The following CDKL5 variants were observed in gnomAD, a reference collection of about 807,000 sequenced individuals.
CDKL5 encodes the protein cyclin dependent kinase like 5.
A neutral mutation model predicts 61.7 loss-of-function variants in CDKL5; 8 were observed. The ratio of observed to expected loss-of-function variants is 0.13; its 90% CI spans 0.08 to 0.23. CDKL5 has a LOEUF of 0.23. Ranked by LOEUF, CDKL5 falls within the 10% of genes least tolerant of loss-of-function variation. The pLI is 1.00. For synonymous variants in CDKL5, 275 were observed against 272.3 expected (o/e 1.01, Z -0.10); for missense variants, 440 against 734.5 (o/e 0.60, Z 4.63).
chrX:18,613,682 C>T (rs760619029), intron 15 of CDKL5, among the ~76,000 whole-genome samples: 2 of 111,154 alleles, frequency 1.8e-5, no homozygotes, highest in South Asian at 7.7e-4. Flanking sequence ...TTGGAAAAGT[C>T]GAGGAACTGG....
chrX:18,455,806 C>G (rs1932128017), intron 1 of CDKL5, among the ~76,000 whole-genome samples: 1 of 112,323 alleles, frequency 8.9e-6, no homozygotes, highest in African/African-American at 3.2e-5. Context: ...AAAGCCTTTT[C>G]CTGTCCAAGA....
intron 1 of CDKL5, among the ~76,000 whole-genome samples, chrX:18,478,517 C>G (rs1921411855): frequency 9.2e-6 from 1 of 108,994 alleles, no homozygotes; most frequent in African/African-American, 3.3e-5. Context: ...TCTCAAACTC[C>G]TGACCTCAAG....
At chrX:18,468,527 G>A (rs1045471016) in intron 1 of CDKL5, among the ~76,000 whole-genome samples, 5 of 111,931 alleles carry the variant, frequency 4.5e-5, no homozygotes, top group African/African-American at 9.7e-5. Flanking sequence ...TTTAGTAAGC[G>A]TAAGCACTGG....
chrX:18,596,271 G>T (rs1386153823), intron 10 of CDKL5, among the ~76,000 whole-genome samples: 1 of 110,560 alleles, frequency 9.0e-6, no homozygotes. Flanking sequence ...GAACTTTGCC[G>T]TGCTTTAAAC....
intron 3 of CDKL5, among the ~76,000 whole-genome samples, chrX:18,518,946 T>C (rs1923149435): frequency 9.0e-6 from 1 of 111,184 alleles, no homozygotes; most frequent in African/African-American, 3.3e-5. Flanking sequence ...GTAACATTAT[T>C]AGCTGATAAT....
Position 18,647,127 on chromosome X carries a change from C to T in CDKL5, c.2797+1037C>T, listed in dbSNP as rs1292542971. ...AGACGGGGTTTCACTGTGTTGGCCA[C>T]GCTGGTAGAGAGGCCTATTTTTTTT... On this transcript the variant is annotated intron_variant, in intron 20 of 21. Transcript: ENST00000379989. The T allele has an allele frequency of 1.5e-5, 18 of 1,165,055 alleles. No homozygotes were observed. The South Asian group carries it at 2.0e-4, about 13-fold the overall frequency.
At chrX:18,539,641 G>A (rs1337347468) in intron 3 of CDKL5, among the ~76,000 whole-genome samples, 1 of 111,550 alleles carries the variant, frequency 9.0e-6, no homozygotes, top group Non-Finnish European at 1.9e-5. Context: ...TTCTGTCTTG[G>A]TGAATATTTT....
chrX:18,451,888 G>A (rs1169431939), intron 1 of CDKL5, among the ~76,000 whole-genome samples: 1 of 112,182 alleles, frequency 8.9e-6, no homozygotes, highest in African/African-American at 3.2e-5. Flanking sequence ...TTTAGTGGTT[G>A]ATAGGGAGGA....
chrX:18,635,736 A>T lies in CDKL5; in HGVS notation c.*6979A>T. The stretch of plus-strand genomic sequence containing the variant: ...TTGAGGAGGATGGGAAGAGAGGCCA[A>T]TCTTGTGCTAAGTGCTATGGAGAAA... On this transcript the variant is annotated 3_prime_UTR_variant, in exon 18 of 18. Transcript: ENST00000623535. 5.4e-6 allele frequency: 2 copies of T among 370,057 alleles called. No individual in the cohort carries two copies. Among genetic ancestry groups the T allele is most frequent in the Non-Finnish European group, 6.9e-6 (2 of 288,358 alleles). The allele number at this position is 370,057 out of a possible 1,213,427, so 30.5% of individuals were successfully genotyped here. A position where few individuals can be genotyped will look rare whatever the true frequency, so the allele number is the denominator to read the frequency against.
intron 16 of CDKL5, chrX:18,623,844 T>C (rs1351649552): frequency 1.4e-6 from 1 of 738,343 alleles, no homozygotes; most frequent in South Asian, 7.0e-5. Flanking sequence ...TTTTTTTTTT[T>C]TTTGCAATTA....
intron 17 of CDKL5, chrX:18,627,315 C>T (rs933782819): frequency 8.9e-6 from 1 of 111,795 alleles, no homozygotes; most frequent in Non-Finnish European, 1.9e-5. Context: ...TTTATTCAAA[C>T]TTTACTGAGC....
At chrX:18,652,842 G>A (rs751491835) in intron 21 of CDKL5, among the ~76,000 whole-genome samples, 7 of 112,491 alleles carry the variant, frequency 6.2e-5, no homozygotes, top group Non-Finnish European at 1.1e-4. Flanking sequence ...GAGCCATGAT[G>A]TGATCATGAG....
chrX:18,447,162 G>A (rs1477695265), intron 1 of CDKL5, among the ~76,000 whole-genome samples: 3 of 111,109 alleles, frequency 2.7e-5, no homozygotes, highest in Non-Finnish European at 5.7e-5. Flanking sequence ...AGCATCTAAC[G>A]GGTAGAGGCG....
intron 7 of CDKL5, among the ~76,000 whole-genome samples, chrX:18,583,032 T>A (rs1479972140): frequency 1.8e-5 from 2 of 112,099 alleles, no homozygotes; most frequent in African/African-American, 6.5e-5. Context: ...ATCTGAAAGA[T>A]TTTAATTGTG....
At chrX:18,504,153 T>G (rs777640960) in intron 1 of CDKL5, among the ~76,000 whole-genome samples, 1 of 111,255 alleles carries the variant, frequency 9.0e-6, no homozygotes, top group Non-Finnish European at 1.9e-5. Flanking sequence ...TTGCCCAGGC[T>G]AGTGTCCGGT....
At chrX:18,538,560 C>T (rs1923919881) in intron 3 of CDKL5, among the ~76,000 whole-genome samples, 1 of 111,472 alleles carries the variant, frequency 9.0e-6, no homozygotes, top group Non-Finnish European at 1.9e-5. Flanking sequence ...TATAAGCTTA[C>T]ATTTTACATT....
At chrX:18,601,391 T>G in intron 11 of CDKL5, among the ~76,000 whole-genome samples, 1 of 112,775 alleles carries the variant, frequency 8.9e-6, no homozygotes, top group Non-Finnish European at 1.9e-5. Context: ...TATCCATCCA[T>G]CCATCCATCC....
intron 1 of CDKL5, among the ~76,000 whole-genome samples, chrX:18,435,190 C>G (rs1274197773): frequency 9.0e-6 from 1 of 111,042 alleles, no homozygotes. Flanking sequence ...GTGACATATC[C>G]TAGAATTTAT....
intron 3 of CDKL5, among the ~76,000 whole-genome samples, chrX:18,523,656 A>G (rs151304099): frequency 1.3e-3 from 149 of 111,852 alleles, no homozygotes; most frequent in African/African-American, 4.6e-3. Context: ...AGGTTGAGGA[A>G]CTTGCCCTCT....
Sources: gnomAD v4.1 joint callset for allele counts (sites outside exome capture counted in the v4.1 genomes callset) on GRCh38, gnomAD v4.1.1 for gene constraint, MANE v1.5 for transcripts, NCBI Gene and HGNC (gene_info 2026-07-23, HGNC 2026-07-21) for gene names.